Variants in THEMIS observed in about 807,000 individuals in gnomAD.
THEMIS encodes thymocyte selection associated, also known as protein THEMIS.
THEMIS carries 37 observed loss-of-function variants against 52.6 expected under a neutral mutation model. The observed-to-expected ratio is 0.70, with a 90% CI of 0.54 to 0.93. The LOEUF (loss-of-function observed/expected upper bound fraction) is 0.93, where lower values mean the gene tolerates loss of function less well. Ranked by LOEUF, THEMIS falls within the 40% of genes least tolerant of loss-of-function variation. THEMIS has a pLI of 0.00. For missense variants in THEMIS, 808 were observed against 763.1 expected (o/e 1.06, Z -0.69); for synonymous variants, 292 against 272.7 (o/e 1.07, Z -0.70).
chr6:127,784,950 A>ACTATCTAT (rs59805084), intron 4 of THEMIS, among the ~76,000 whole-genome samples: 80 of 145,502 alleles, frequency 5.5e-4, no homozygotes, highest in East Asian at 1.4e-3. Flanking sequence ...AGGCAGTCAC[A>ACTATCTAT]CTATCTATCT....
chr6:127,722,610 C>T (rs1398202550), intron 4 of THEMIS, among the ~76,000 whole-genome samples: 1 of 151,916 alleles, frequency 6.6e-6, no homozygotes, highest in African/African-American at 2.4e-5. Context: ...TTTGAAGACA[C>T]CTCTTCTTCT....
At chr6:127,864,430 C>T (rs1779906695) in intron 1 of THEMIS, among the ~76,000 whole-genome samples, 1 of 152,070 alleles carries the variant, frequency 6.6e-6, no homozygotes, top group African/African-American at 2.4e-5. Flanking sequence ...AGAATTTATG[C>T]TTTGCAGTTA....
At chr6:127,791,415 G>C (rs368881556) in intron 4 of THEMIS, among the ~76,000 whole-genome samples, 90 of 152,256 alleles carry the variant, frequency 5.9e-4, no homozygotes, top group African/African-American at 2.0e-3. Flanking sequence ...CTGTAGGCAG[G>C]CCATCCCATC....
chr6:127,707,940 A>G (rs888136268), downstream of THEMIS: 7 of 152,052 alleles, frequency 4.6e-5, no homozygotes, highest in Admixed American at 2.6e-4. Flanking sequence ...GGCCAATATT[A>G]ATAATTGGTA....
At chr6:127,745,082 T>C (rs2114299063) in intron 4 of THEMIS, among the ~76,000 whole-genome samples, 1 of 152,080 alleles carries the variant, frequency 6.6e-6, no homozygotes, top group Non-Finnish European at 1.5e-5. Flanking sequence ...ACATGGCTCC[T>C]GAGCTTAGAG....
intron 1 of THEMIS, among the ~76,000 whole-genome samples, chr6:127,906,261 G>A (rs937425269): frequency 2.0e-5 from 3 of 151,524 alleles, no homozygotes; most frequent in African/African-American, 7.3e-5. Flanking sequence ...AGACAAGAAG[G>A]ATTATAAAAG....
At chr6:127,836,941 TC>T (rs1778892195) in intron 2 of THEMIS, among the ~76,000 whole-genome samples, 1 of 152,006 alleles carries the variant, frequency 6.6e-6, no homozygotes, top group Non-Finnish European at 1.5e-5. Flanking sequence ...TGCAAGTAAC[TC>T]CTATGGAACT....
intron 4 of THEMIS, among the ~76,000 whole-genome samples, chr6:127,728,898 T>G (rs1774646357): frequency 1.3e-5 from 2 of 152,178 alleles, no homozygotes; most frequent in Non-Finnish European, 2.9e-5. Flanking sequence ...AATGAGAAGA[T>G]TTTTCATTAT....
chr6:127,885,603 G>T (rs1430171230), intron 1 of THEMIS, among the ~76,000 whole-genome samples: 1 of 152,034 alleles, frequency 6.6e-6, no homozygotes, highest in East Asian at 1.9e-4. Flanking sequence ...AAGGGAGATA[G>T]ATAAACAATA....
chr6:127,708,097 TTA>T (rs1773850264), downstream of THEMIS: 1 of 152,084 alleles, frequency 6.6e-6, no homozygotes. Context: ...AGCCCCCTCC[TTA>T]GTGAACAATT....
At chr6:127,815,332 A>G (rs999909377) in intron 3 of THEMIS, among the ~76,000 whole-genome samples, 2 of 152,020 alleles carry the variant, frequency 1.3e-5, no homozygotes, top group Admixed American at 1.3e-4. Context: ...CATGCTTTTG[A>G]AAATGAACAA....
At chr6:127,840,866 T>C (rs944198443) in intron 2 of THEMIS, among the ~76,000 whole-genome samples, 5 of 152,078 alleles carry the variant, frequency 3.3e-5, no homozygotes, top group Non-Finnish European at 5.9e-5. Flanking sequence ...ACATACTATA[T>C]GATTCCAACT....
chr6:127,725,810 CT>C (rs1297959174), intron 4 of THEMIS, among the ~76,000 whole-genome samples: 1 of 152,092 alleles, frequency 6.6e-6, no homozygotes, highest in Non-Finnish European at 1.5e-5. Flanking sequence ...GACATGCTAT[CT>C]TTTGACCCTT....
intron 4 of THEMIS, among the ~76,000 whole-genome samples, chr6:127,748,979 A>G (rs544230324): frequency 1.3e-4 from 20 of 152,150 alleles, no homozygotes; most frequent in African/African-American, 4.8e-4. Flanking sequence ...TGTGTCAGGA[A>G]CTCACAGTAT....
chr6:127,750,857 A>G (rs1020275910), intron 4 of THEMIS, among the ~76,000 whole-genome samples: 2 of 151,792 alleles, frequency 1.3e-5, no homozygotes, highest in African/African-American at 4.8e-5. Context: ...TTGTCAGCCA[A>G]GAATATTTCA....
chr6:127,894,216 T>C (rs1289331702), intron 1 of THEMIS, among the ~76,000 whole-genome samples: 1 of 151,982 alleles, frequency 6.6e-6, no homozygotes, highest in Non-Finnish European at 1.5e-5. Context: ...AGAGGTGTTA[T>C]AACAAAAAAC....
chr6:127,830,636 C>T (rs1037338796), intron 2 of THEMIS, among the ~76,000 whole-genome samples: 4 of 151,562 alleles, frequency 2.6e-5, no homozygotes, highest in Non-Finnish European at 5.9e-5. Context: ...TAGTGAGCCA[C>T]GATCACTCCA....
chr6:127,906,553 A>T (rs927123004), intron 1 of THEMIS, among the ~76,000 whole-genome samples: 17 of 152,080 alleles, frequency 1.1e-4, no homozygotes, highest in African/African-American at 3.8e-4. Flanking sequence ...GATACACACA[A>T]AGATTTATTT....
intron 4 of THEMIS, among the ~76,000 whole-genome samples, chr6:127,809,715 T>G (rs1777836056): frequency 6.6e-6 from 1 of 151,860 alleles, no homozygotes; most frequent in African/African-American, 2.4e-5. Context: ...AAGAAACCTG[T>G]TCCAACATAT....
Sources: gnomAD v4.1 joint callset for allele counts (sites outside exome capture counted in the v4.1 genomes callset) on GRCh38, gnomAD v4.1.1 for gene constraint, MANE v1.5 for transcripts, NCBI Gene and HGNC (gene_info 2026-07-23, HGNC 2026-07-21) for gene names.